Variants in BRINP3 observed in about 807,000 individuals in gnomAD.
BRINP3 encodes the protein BMP/retinoic acid inducible neural specific 3, also known as BMP/retinoic acid-inducible neural-specific protein 3.
Under a neutral mutation model 71.0 loss-of-function variants are expected in BRINP3, and 19 were observed. The observed-to-expected ratio is 0.27, with a 90% CI of 0.19 to 0.39. BRINP3 has a LOEUF of 0.39. BRINP3 is among the 10% of genes least tolerant of loss of function. BRINP3 has a pLI of 1.00. For synonymous variants in BRINP3, 380 were observed against 337.7 expected (o/e 1.13, Z -1.37); for missense variants, 959 against 940.8 (o/e 1.02, Z -0.25).
chr1:190,198,970 A>T lies in BRINP3; in HGVS notation c.961+27112T>A, dbSNP rs1654748396. 6.6e-5 allele frequency among the ~76,000 whole-genome samples: 10 copies of T among 152,322 alleles called. No homozygotes were observed. The South Asian group carries it at 2.1e-3, about 32-fold the overall frequency. Reference sequence around the variant, plus strand: ...CACTGCTAATAAAGACATACTAGAGACAGGATAATGTATAAAGGAAAGGGG... The same window carrying T: ...CACTGCTAATAAAGACATACTAGAGTCAGGATAATGTATAAAGGAAAGGGG... On this transcript the variant is annotated intron_variant, in intron 6 of 7. Transcript: ENST00000367462.
intron 1 of BRINP3, among the ~76,000 whole-genome samples, chr1:190,467,317 G>C (rs1676824724): frequency 6.6e-6 from 1 of 151,382 alleles, no homozygotes; most frequent in South Asian, 2.1e-4. Flanking sequence ...TATTCCCAGG[G>C]TTTACACCAG....
chr1:190,233,387 C>T (rs1326606489), intron 5 of BRINP3, among the ~76,000 whole-genome samples: 1 of 151,986 alleles, frequency 6.6e-6, no homozygotes, highest in Non-Finnish European at 1.5e-5. Context: ...CACTATGTTG[C>T]CCAGGCTGGT....
At chr1:190,318,525 T>C (rs557307903) in intron 2 of BRINP3, among the ~76,000 whole-genome samples, 1 of 152,274 alleles carries the variant, frequency 6.6e-6, no homozygotes, top group South Asian at 2.1e-4. Context: ...CTCAGGGTAA[T>C]GCACTTATAG....
intron 2 of BRINP3, among the ~76,000 whole-genome samples, chr1:190,360,628 A>G (rs1362507868): frequency 6.6e-6 from 1 of 152,134 alleles, no homozygotes; most frequent in Non-Finnish European, 1.5e-5. Flanking sequence ...AGAATGTAAT[A>G]CCATATGACA....
At chr1:190,324,406 A>G (rs746544673) in intron 2 of BRINP3, among the ~76,000 whole-genome samples, 7 of 151,988 alleles carry the variant, frequency 4.6e-5, no homozygotes, top group African/African-American at 2.4e-5. Context: ...CTGAACACAG[A>G]CATTTCCCCC....
intron 6 of BRINP3, among the ~76,000 whole-genome samples, chr1:190,211,864 T>C (rs1286727012): frequency 6.6e-6 from 1 of 152,112 alleles, no homozygotes; most frequent in Non-Finnish European, 1.5e-5. Context: ...ATTCATAATA[T>C]TTTAAACACT....
At chr1:190,457,680 C>A (rs1676093752) in intron 1 of BRINP3, among the ~76,000 whole-genome samples, 1 of 152,084 alleles carries the variant, frequency 6.6e-6, no homozygotes, top group South Asian at 2.1e-4. Context: ...ATATTTTATA[C>A]TGGTATGAAG....
chr1:190,322,383 A>G (rs1367053429), intron 2 of BRINP3, among the ~76,000 whole-genome samples: 1 of 152,100 alleles, frequency 6.6e-6, no homozygotes, highest in Non-Finnish European at 1.5e-5. Context: ...AGAACAAAAT[A>G]ATAGTCTGCA....
intron 4 of BRINP3, among the ~76,000 whole-genome samples, chr1:190,246,786 G>T (rs983057325): frequency 6.6e-6 from 1 of 151,834 alleles, no homozygotes; most frequent in Non-Finnish European, 1.5e-5. Context: ...TTTACTTATT[G>T]ATGTAACTGT....
At chr1:190,113,154 A>T (rs972374609) in intron 7 of BRINP3, among the ~76,000 whole-genome samples, 1 of 152,166 alleles carries the variant, frequency 6.6e-6, no homozygotes, top group Non-Finnish European at 1.5e-5. Flanking sequence ...ATAAAAAAGC[A>T]ATAATCAATT....
At chr1:190,408,144 C>T (rs1002627320) in intron 2 of BRINP3, among the ~76,000 whole-genome samples, 1 of 151,218 alleles carries the variant, frequency 6.6e-6, no homozygotes, top group South Asian at 2.1e-4. Context: ...GCCTCAACCT[C>T]CGGAGTAGCT....
intron 2 of BRINP3, among the ~76,000 whole-genome samples, chr1:190,386,509 A>T (rs1281726160): frequency 6.6e-6 from 1 of 151,986 alleles, no homozygotes; most frequent in Non-Finnish European, 1.5e-5. Flanking sequence ...CATTGAAAAT[A>T]TTTATAGTAA....
At chr1:190,415,727 C>G (rs1018536553) in intron 2 of BRINP3, among the ~76,000 whole-genome samples, 6 of 151,460 alleles carry the variant, frequency 4.0e-5, no homozygotes, top group Non-Finnish European at 8.8e-5. Flanking sequence ...ATAGCAAGAC[C>G]CCTTATAGAA....
At chr1:190,185,958 T>C (rs1653478910) in intron 6 of BRINP3, among the ~76,000 whole-genome samples, 1 of 152,196 alleles carries the variant, frequency 6.6e-6, no homozygotes. Flanking sequence ...TTGTTTGAGA[T>C]AATGAATACG....
At chr1:190,129,340 G>T (rs1467722693) in intron 7 of BRINP3, among the ~76,000 whole-genome samples, 1 of 151,730 alleles carries the variant, frequency 6.6e-6, no homozygotes, top group Admixed American at 6.6e-5. Context: ...AAGTGACATG[G>T]TAGTAATTTT....
chr1:190,311,996 G>A (rs1665555006), intron 2 of BRINP3, among the ~76,000 whole-genome samples: 2 of 123,014 alleles, frequency 1.6e-5, no homozygotes, highest in African/African-American at 5.8e-5. Context: ...ACTCAACACT[G>A]TCTAGAAAAT....
intron 4 of BRINP3, among the ~76,000 whole-genome samples, chr1:190,260,210 T>C (rs888788700): frequency 1.3e-5 from 2 of 152,006 alleles, no homozygotes; most frequent in African/African-American, 4.8e-5. Context: ...GATGAATAAA[T>C]GTAGAGATCC....
intron 2 of BRINP3, among the ~76,000 whole-genome samples, chr1:190,316,563 T>C (rs1486108508): frequency 6.6e-6 from 1 of 152,092 alleles, no homozygotes; most frequent in South Asian, 2.1e-4. Context: ...TATCACAGTA[T>C]TTTACTAAAT....
intron 7 of BRINP3, among the ~76,000 whole-genome samples, chr1:190,142,059 AAT>A (rs1252511175): frequency 7.2e-5 from 11 of 152,142 alleles, no homozygotes; most frequent in Non-Finnish European, 1.5e-4. Flanking sequence ...TATGGGAGAA[AAT>A]CTGTTCAAGT....
Sources: allele counts gnomAD v4.1 joint callset (sites outside exome capture counted in the v4.1 genomes callset), GRCh38; gene constraint gnomAD v4.1.1; transcripts MANE v1.5; gene names NCBI Gene and HGNC (gene_info 2026-07-23, HGNC 2026-07-21).